The following PTP4A3 variants were observed in gnomAD, a reference collection of about 807,000 sequenced individuals.
The protein encoded by PTP4A3 is protein tyrosine phosphatase type IVA 3.
A neutral mutation model predicts 15.2 loss-of-function variants in PTP4A3; 9 were observed. The observed-to-expected ratio is 0.59, with a 90% CI of 0.36 to 1.03. PTP4A3 has a LOEUF of 1.03. PTP4A3 is among the 50% of genes least tolerant of loss of function. PTP4A3 has a pLI of 0.02. For synonymous variants in PTP4A3, 95 were observed against 102.0 expected (o/e 0.93, Z 0.41); for missense variants, 234 against 252.1 (o/e 0.93, Z 0.49).
At chr8:141,402,782 A>G (rs1000739050) in intron 1 of PTP4A3, among the ~76,000 whole-genome samples, 1 of 142,478 alleles carries the variant, frequency 7.0e-6, no homozygotes, top group Non-Finnish European at 1.5e-5. Context: ...CCTACTCATG[A>G]TCGTCTTGAG....
In PTP4A3 at chr8:141,406,722, T is replaced by C. The variant is rs1832734881; in HGVS notation, c.-854+14638T>C. On this transcript the variant is annotated intron_variant, in intron 1 of 5. Coordinates refer to ENST00000521578, the MANE Select transcript of PTP4A3 (RefSeq NM_032611.3). The surrounding 1 kb of genome is among the most constrained non-coding windows in gnomAD (Gnocchi z 4.5). ...AGTGGTGACGGCTGTGTTGCCTGCA[T>C]GCCACCGACAGCCCGCCTCTTCTTT... Among the ~76,000 whole-genome samples the C allele has an allele frequency of 1.3e-5, 2 of 152,278 alleles. No homozygotes were observed. The highest frequency in any genetic ancestry group is 4.8e-5 in the African/African-American group (2 of 41,572).
In PTP4A3 at chr8:141,400,087, T is replaced by C. The variant is rs147025207; in HGVS notation, c.-854+8003T>C. ...TATGCCCAGCTATTTTTTGTAGAGA[T>C]GGCATTTCACCATGTTAGCCGGGCT... On this transcript the variant is annotated intron_variant, in intron 1 of 5. Transcript: ENST00000521578. 7.9e-3 allele frequency among the ~76,000 whole-genome samples: 1,211 copies of C among 152,346 alleles called. 8 individuals carry two copies. Among genetic ancestry groups the C allele is most frequent in the African/African-American group, 0.02 (844 of 41,580 alleles).
intron 5 of PTP4A3, among the ~76,000 whole-genome samples, chr8:141,429,257 G>A (rs1226735170): frequency 6.6e-6 from 1 of 152,272 alleles, no homozygotes; most frequent in Non-Finnish European, 1.5e-5. Flanking sequence ...AGCTTTGCTG[G>A]GCAGAGACTC....
chr8:141,395,407 G>A (rs769197370), intron 1 of PTP4A3, among the ~76,000 whole-genome samples: 8 of 152,214 alleles, frequency 5.3e-5, no homozygotes, highest in Non-Finnish European at 1.0e-4. Flanking sequence ...CTCAGTCTTG[G>A]GCTGCTTTAG....
Position 141,425,176 on chromosome 8 carries a change from G to T in PTP4A3, c.198+36G>T. On this transcript the variant is annotated intron_variant, in intron 3 of 5. Coordinates refer to ENST00000521578, the MANE Select transcript of PTP4A3 (RefSeq NM_032611.3). The surrounding 1 kb of genome is among the most constrained non-coding windows in gnomAD (Gnocchi z 4.2). ...CGCCACGGGGACCCTAGTCACTGCT[G>T]CCACCGGGGGAGGGTGGGGCGGGGG... 2.0e-6 allele frequency: 1 copy of T among 506,218 alleles called. No individual in the cohort carries two copies. The allele number at this position is 506,218 out of a possible 1,614,324, so 31.4% of individuals were successfully genotyped here.
At position 141,411,698 on chromosome 8, in the gene PTP4A3, G is replaced by A. The variant is rs948436610; in HGVS notation, c.-853-9690G>A. Among the ~76,000 whole-genome samples, 3 of 152,308 alleles carry A rather than the reference G, an allele frequency of 2.0e-5. No homozygotes were observed. In the East Asian group the frequency reaches 5.8e-4, roughly 29 times the overall value. ...GCCCCTCTGACGTGCGTCCACTAGA[G>A]CCTCGGCCAGTGGCCCTGGCTAGCT... is the stretch of plus-strand genomic sequence containing the variant. On this transcript the variant is annotated intron_variant, in intron 1 of 5. Transcript: ENST00000521578.
chr8:141,422,134 G>T lies in PTP4A3; in HGVS notation c.-107G>T. On this transcript the variant is annotated 5_prime_UTR_variant, in exon 2 of 6. It adds an upstream start codon to the 5' untranslated region. Transcript: ENST00000521578. ...ATCTCGTTTCTCTTGGACAAGCACA[G>T]GGATCTCGTTCTCCTCATTTTTTGG... The T allele has an allele frequency of 9.6e-7, 1 of 1,037,926 alleles. No individual in the cohort carries two copies. The highest frequency in any genetic ancestry group is 1.4e-5 in the South Asian group (1 of 71,250). 64.3% of individuals were successfully genotyped at this position (1,037,926 alleles called of 1,614,324 possible).
At chr8:141,395,376 C>A (rs1832419090) in intron 1 of PTP4A3, among the ~76,000 whole-genome samples, 1 of 152,220 alleles carries the variant, frequency 6.6e-6, no homozygotes, top group Non-Finnish European at 1.5e-5. Flanking sequence ...TGGGGCATCG[C>A]TTCCCGCCAG....
At chr8:141,410,256 G>A (rs944491657) in intron 1 of PTP4A3, among the ~76,000 whole-genome samples, 10 of 152,266 alleles carry the variant, frequency 6.6e-5, no homozygotes, top group African/African-American at 2.2e-4. Context: ...AGCCAGACTG[G>A]GGGAGTGGGG....
rs1311195195 is a variant in PTP4A3 at position 141,406,244 on chromosome 8, A to G, written c.-854+14160A>G. Among the ~76,000 whole-genome samples the G allele has an allele frequency of 6.6e-6, 1 of 152,050 alleles. No individual in the cohort carries two copies. The highest frequency in any genetic ancestry group is 1.5e-5 in the Non-Finnish European group (1 of 67,980). On this transcript the variant is annotated intron_variant, in intron 1 of 5. Transcript: ENST00000521578. This position sits in a 1 kb window ranked among gnomAD's most constrained non-coding sequence, Gnocchi z 4.5. ...TCACCATTTCACTTGTCGGCCACCC[A>G]CGGCTGCTTCCTGCCCCATCTGGGG...
intron 1 of PTP4A3, 44 bp from the exon 2 acceptor site, chr8:141,421,344 C>T (rs1833319229): frequency 6.6e-6 from 1 of 152,264 alleles, no homozygotes; most frequent in African/African-American, 2.4e-5. Flanking sequence ...AGGCGGGGCC[C>T]CCTGTGATCC....
At chr8:141,409,583 G>T (rs4961376) in intron 1 of PTP4A3, among the ~76,000 whole-genome samples, 49,480 of 152,160 alleles carry the variant, frequency 0.33, 9,032 homozygotes, top group East Asian at 0.6. Context: ...GGCAGGATGT[G>T]TTCTGAGCTG....
At chr8:141,393,479 T>A (rs1832352832) in intron 1 of PTP4A3, among the ~76,000 whole-genome samples, 1 of 152,146 alleles carries the variant, frequency 6.6e-6, no homozygotes, top group South Asian at 2.1e-4. Context: ...CCCAACGTGT[T>A]CTCCAAGCAC....
At chr8:141,420,115 G>C (rs1344318916) in intron 1 of PTP4A3, among the ~76,000 whole-genome samples, 2 of 152,196 alleles carry the variant, frequency 1.3e-5, no homozygotes, top group African/African-American at 4.8e-5. Flanking sequence ...GGAAGGGGGT[G>C]CTGGGGCTGG....
In PTP4A3 at chr8:141,431,980, G is replaced by A. The variant is rs13273083; in HGVS notation, c.*936G>A. Reference sequence around the variant, plus strand: ...ATCCATCAGCCCAGGGAGGGAGGGTGCCACCTGGGCACCTGGGGCTGGATG... The same window carrying A: ...ATCCATCAGCCCAGGGAGGGAGGGTACCACCTGGGCACCTGGGGCTGGATG... On this transcript the variant is annotated 3_prime_UTR_variant, in exon 6 of 6. Transcript: ENST00000521578. 0.69 allele frequency: 105,133 copies of A among 152,222 alleles called. 36,998 individuals are homozygous for A. Among genetic ancestry groups the A allele is most frequent in the African/African-American group, 0.82 (34,046 of 41,520 alleles). The allele number at this position is 152,222 out of a possible 1,614,324, so 9.4% of individuals were successfully genotyped here. A position where few individuals can be genotyped will look rare whatever the true frequency, so the allele number is the denominator to read the frequency against.
At position 141,411,487 on chromosome 8, in the gene PTP4A3, G is replaced by A. The variant is rs1832866866; in HGVS notation, c.-853-9901G>A. On this transcript the variant is annotated intron_variant, in intron 1 of 5. Coordinates refer to ENST00000521578, the MANE Select transcript of PTP4A3 (RefSeq NM_032611.3). ...GGCGCCGTGTGCACTGGCTCTGGGGGTGCCAGGCTGCGTCTCACCATCGGG... is the reference window on the plus strand; with the variant it reads ...GGCGCCGTGTGCACTGGCTCTGGGGATGCCAGGCTGCGTCTCACCATCGGG... Among the ~76,000 whole-genome samples the A allele has an allele frequency of 2.6e-5, 4 of 152,344 alleles. No individual in the cohort carries two copies. The South Asian group carries it at 8.3e-4, about 32-fold the overall frequency.
intron 1 of PTP4A3, among the ~76,000 whole-genome samples, chr8:141,408,690 G>T (rs1472310741): frequency 6.6e-6 from 1 of 152,018 alleles, no homozygotes. Flanking sequence ...AATTAGGATA[G>T]CACCCCCGCC....
intron 3 of PTP4A3, chr8:141,426,358 G>A (rs1253924293): frequency 1.2e-6 from 1 of 865,658 alleles, no homozygotes; most frequent in Non-Finnish European, 1.4e-6. Context: ...CATCTTCCAA[G>A]ACCAAATTAA....
At chr8:141,430,525 G>A (rs905404761) in intron 5 of PTP4A3, among the ~76,000 whole-genome samples, 9 of 152,194 alleles carry the variant, frequency 5.9e-5, no homozygotes, top group East Asian at 1.9e-4. Context: ...GGAAGGTCGC[G>A]CAGCTGGGCT....
Sources: gnomAD v4.1 joint callset for allele counts (sites outside exome capture counted in the v4.1 genomes callset) on GRCh38, gnomAD v4.1.1 for gene constraint, Gnocchi (gnomAD v3.1) non-coding constraint, MANE v1.5 for transcripts, NCBI Gene and HGNC (gene_info 2026-07-23, HGNC 2026-07-21) for gene names.